The following HIVEP3 variants were observed in gnomAD, a reference collection of about 807,000 sequenced individuals.
The protein encoded by HIVEP3 is transcription factor HIVEP3.
In HIVEP3, 49 loss-of-function variants were observed where a neutral mutation model predicts 152.8. That is an observed-to-expected ratio of 0.32 (90% CI 0.26 to 0.41). The LOEUF (loss-of-function observed/expected upper bound fraction) is 0.41, where lower values mean the gene tolerates loss of function less well. Among genes scored for constraint, HIVEP3 ranks in the 10% least tolerant of loss-of-function variants. The pLI is 1.00. For missense variants in HIVEP3, 2,790 were observed against 3,103.3 expected (o/e 0.90, Z 2.40); for synonymous variants, 1,269 against 1,289.0 (o/e 0.98, Z 0.33).
At chr1:41,783,470 G>A (rs1244123257) in intron 1 of HIVEP3, among the ~76,000 whole-genome samples, 2 of 152,200 alleles carry the variant, frequency 1.3e-5, no homozygotes, top group Non-Finnish European at 2.9e-5. Context: ...AACAAAAGGA[G>A]AGTGGGAGGG....
chr1:41,695,103 A>G (rs1444992691), intron 2 of HIVEP3, among the ~76,000 whole-genome samples: 1 of 152,160 alleles, frequency 6.6e-6, no homozygotes, highest in African/African-American at 2.4e-5. Flanking sequence ...AATCATTCCT[A>G]AAGAGCTTGG....
At chr1:41,636,294 A>AC (rs1645272531) in intron 2 of HIVEP3, among the ~76,000 whole-genome samples, 1 of 152,212 alleles carries the variant, frequency 6.6e-6, no homozygotes, top group African/African-American at 2.4e-5. Flanking sequence ...GAATACACGC[A>AC]CCATAGACAC....
At chr1:41,934,461 A>C (rs1645010571) in intron 1 of HIVEP3, among the ~76,000 whole-genome samples, 1 of 152,118 alleles carries the variant, frequency 6.6e-6, no homozygotes, top group Non-Finnish European at 1.5e-5. Context: ...AAAGTTGTGA[A>C]CTTTCTATTC....
intron 2 of HIVEP3, among the ~76,000 whole-genome samples, chr1:41,699,798 C>G (rs954093499): frequency 2.6e-5 from 4 of 152,104 alleles, no homozygotes; most frequent in Non-Finnish European, 2.9e-5. Context: ...GCCTCCCCAC[C>G]ACTTTCCTCC....
intron 2 of HIVEP3, among the ~76,000 whole-genome samples, chr1:41,686,996 G>A (rs115028181): frequency 1.5e-3 from 228 of 152,286 alleles, no homozygotes; most frequent in African/African-American, 5.3e-3. Context: ...GAAAGGTGAA[G>A]CAGAAAAAGG....
intron 1 of HIVEP3, among the ~76,000 whole-genome samples, chr1:41,965,331 A>C (rs1002082561): frequency 6.6e-6 from 1 of 152,266 alleles, no homozygotes. Flanking sequence ...AAACTCAAAA[A>C]GCCAGAGTGC....
At chr1:41,536,263 T>C (rs557494413) in intron 5 of HIVEP3, among the ~76,000 whole-genome samples, 1 of 152,164 alleles carries the variant, frequency 6.6e-6, no homozygotes, top group African/African-American at 2.4e-5. Context: ...TAGTAGTAGG[T>C]AGTAGGTAGA....
intron 3 of HIVEP3, among the ~76,000 whole-genome samples, chr1:41,604,909 G>A (rs1644796237): frequency 6.6e-6 from 1 of 151,958 alleles, no homozygotes; most frequent in South Asian, 2.1e-4. Flanking sequence ...TTCGAGACCA[G>A]CTTGGGCAAT....
intron 2 of HIVEP3, among the ~76,000 whole-genome samples, chr1:41,655,076 T>A (rs1645609107): frequency 1.3e-5 from 2 of 152,142 alleles, no homozygotes; most frequent in African/African-American, 4.8e-5. Context: ...TCATTAAGCA[T>A]ATTTGATACA....
chr1:41,862,242 C>T (rs1027203489), intron 1 of HIVEP3, among the ~76,000 whole-genome samples: 3 of 152,158 alleles, frequency 2.0e-5, no homozygotes, highest in Non-Finnish European at 4.4e-5. Flanking sequence ...TCTGTCCAAA[C>T]AAATAAGCAA....
chr1:41,536,547 G>A (rs1016876819), intron 5 of HIVEP3, among the ~76,000 whole-genome samples: 2 of 152,146 alleles, frequency 1.3e-5, no homozygotes, highest in African/African-American at 4.8e-5. Flanking sequence ...AAGCAAAGCA[G>A]GGGAGGCGTA....
intron 2 of HIVEP3, among the ~76,000 whole-genome samples, chr1:41,642,963 T>C (rs145595481): frequency 2.6e-4 from 39 of 152,202 alleles, no homozygotes; most frequent in African/African-American, 8.9e-4. Context: ...TGACTTCTTC[T>C]CCCTCTTCCT....
At chr1:41,775,757 A>C (rs1325880547) in intron 1 of HIVEP3, among the ~76,000 whole-genome samples, 1 of 152,196 alleles carries the variant, frequency 6.6e-6, no homozygotes, top group African/African-American at 2.4e-5. Flanking sequence ...CAGGGATTAC[A>C]GGCATGAGCC....
At position 41,695,368 on chromosome 1, in the gene HIVEP3, G is replaced by A. The variant is rs540748178; in HGVS notation, c.-721+5548C>T. ...CTTCCTTATCAGGCTGGCAGTAGCT[G>A]GGCAGGCCTCAGCTTATTTCTAAGT... On this transcript the variant is annotated intron_variant, in intron 2 of 8. Coordinates refer to ENST00000372583, the MANE Select transcript of HIVEP3 (RefSeq NM_024503.5). 2.0e-5 allele frequency among the ~76,000 whole-genome samples: 3 copies of A among 152,330 alleles called. No homozygotes were observed. In the East Asian group the frequency reaches 5.8e-4, roughly 29 times the overall value.
intron 1 of HIVEP3, among the ~76,000 whole-genome samples, chr1:41,886,711 T>TAA (rs1644352353): frequency 1.3e-4 from 1 of 7,566 alleles, no homozygotes; most frequent in Non-Finnish European, 2.3e-4. Flanking sequence ...AAACTCCATT[T>TAA]CAAAAAAAAA....
intron 1 of HIVEP3, among the ~76,000 whole-genome samples, chr1:41,747,724 G>A (rs189240800): frequency 1.3e-5 from 2 of 152,190 alleles, no homozygotes; most frequent in East Asian, 3.9e-4. Context: ...ATCTTTAATA[G>A]CTGCATAGTA....
chr1:41,646,738 ATACTT>A (rs1239578742), intron 2 of HIVEP3, among the ~76,000 whole-genome samples: 2 of 152,200 alleles, frequency 1.3e-5, no homozygotes, highest in African/African-American at 2.4e-5. Flanking sequence ...GTTGTACTGC[ATACTT>A]TAGTTTTGTA....
chr1:42,008,379 G>C (rs569619580), intron 1 of HIVEP3, among the ~76,000 whole-genome samples: 4 of 152,330 alleles, frequency 2.6e-5, no homozygotes, highest in African/African-American at 9.6e-5. Context: ...GAAAAGGAAA[G>C]GCATATGCAG....
chr1:41,661,765 C>G (rs531105558), intron 2 of HIVEP3, among the ~76,000 whole-genome samples: 2 of 152,138 alleles, frequency 1.3e-5, no homozygotes, highest in South Asian at 4.1e-4. Context: ...AGCGCCGCGC[C>G]GGGGTGAGAG....
Sources: gnomAD v4.1 joint callset for allele counts (sites outside exome capture counted in the v4.1 genomes callset) on GRCh38, gnomAD v4.1.1 for gene constraint, MANE v1.5 for transcripts, NCBI Gene and HGNC (gene_info 2026-07-23, HGNC 2026-07-21) for gene names.